The following STARD13 variants were observed in gnomAD, a reference collection of about 807,000 sequenced individuals.
STARD13 encodes stAR-related lipid transfer protein 13.
A neutral mutation model predicts 106.4 loss-of-function variants in STARD13; 62 were observed. That is an observed-to-expected ratio of 0.58 (90% confidence interval 0.48 to 0.72). STARD13 has a LOEUF of 0.72. Ranked by LOEUF, STARD13 falls within the 30% of genes least tolerant of loss-of-function variation. STARD13 has a pLI of 0.00. For missense variants in STARD13, 1,387 were observed against 1,424.0 expected, an observed-to-expected ratio of 0.97 and a Z score of 0.42; for synonymous variants, 565 against 553.0, an observed-to-expected ratio of 1.02 and a Z score of -0.31.
chr13:33,216,033 G>C (rs551076906), intron 1 of STARD13, among the ~76,000 whole-genome samples: 2 of 152,182 alleles, frequency 1.3e-5, no homozygotes, highest in Admixed American at 1.3e-4. Flanking sequence ...ACTCTTGCAA[G>C]AATGGCCATA....
At chr13:33,659,065 A>C in the STARD13 span, among the ~76,000 whole-genome samples, 1 of 152,148 alleles carries the variant, frequency 6.6e-6, no homozygotes, top group Non-Finnish European at 1.5e-5. Flanking sequence ...GTTCATCTGC[A>C]TCCTTTTGTA....
chr13:33,499,725 TTCTCCC>T, the STARD13 span, among the ~76,000 whole-genome samples: 1,523 of 144,158 alleles, frequency 0.011, 45 homozygotes, highest in African/African-American at 0.034. Flanking sequence ...CTCCTTCTCC[TTCTCCC>T]TCTCCCTCTC....
downstream of STARD13, among the ~76,000 whole-genome samples, chr13:33,346,677 T>TG (rs1205579751): frequency 6.6e-6 from 1 of 152,156 alleles, no homozygotes; most frequent in Non-Finnish European, 1.5e-5. Context: ...TCACCTAGGC[T>TG]GGGGTGCAGT....
chr13:33,505,821 C>G, the STARD13 span, among the ~76,000 whole-genome samples: 1 of 152,126 alleles, frequency 6.6e-6, no homozygotes, highest in Non-Finnish European at 1.5e-5. Context: ...TATTTCAGTT[C>G]TTACATGATA....
the STARD13 span, among the ~76,000 whole-genome samples, chr13:33,476,832 T>G: frequency 6.6e-6 from 1 of 152,378 alleles, no homozygotes; most frequent in African/African-American, 2.4e-5. Context: ...TTTTGACTTC[T>G]GGGTCTGAAA....
At chr13:33,441,404 T>C in the STARD13 span, among the ~76,000 whole-genome samples, 56 of 152,256 alleles carry the variant, frequency 3.7e-4, no homozygotes, top group Non-Finnish European at 6.6e-4. Flanking sequence ...TAAGAATAAA[T>C]ACAGTTTTGT....
intron 1 of STARD13, among the ~76,000 whole-genome samples, chr13:33,311,077 T>C (rs376153761): frequency 3.2e-4 from 49 of 151,384 alleles, no homozygotes; most frequent in African/African-American, 1.2e-3. Flanking sequence ...CAGGATCACT[T>C]AAGCCCAGAA....
chr13:33,144,081 G>T (rs1359167704), intron 3 of STARD13, among the ~76,000 whole-genome samples: 1 of 152,114 alleles, frequency 6.6e-6, no homozygotes, highest in African/African-American at 2.4e-5. Context: ...AATTCAGACT[G>T]AGGTCCATCC....
chr13:33,455,771 A>C, the STARD13 span, among the ~76,000 whole-genome samples: 219 of 152,038 alleles, frequency 1.4e-3, no homozygotes, highest in African/African-American at 3.5e-3. Context: ...TCTACTAAAA[A>C]AACAACAACA....
At chr13:33,107,206 G>T (rs1232154779) in intron 12 of STARD13, among the ~76,000 whole-genome samples, 2 of 152,208 alleles carry the variant, frequency 1.3e-5, no homozygotes, top group Non-Finnish European at 2.9e-5. Context: ...CTGCTTAGCT[G>T]CAGAGGCTCC....
chr13:33,486,479 T>C, the STARD13 span, among the ~76,000 whole-genome samples: 1 of 152,122 alleles, frequency 6.6e-6, no homozygotes, highest in Non-Finnish European at 1.5e-5. Context: ...AATAGAACAA[T>C]TAAAACAATA....
At chr13:33,216,641 A>C (rs1377220094) in intron 1 of STARD13, among the ~76,000 whole-genome samples, 1 of 152,204 alleles carries the variant, frequency 6.6e-6, no homozygotes, top group Non-Finnish European at 1.5e-5. Context: ...CAGGTGCACC[A>C]AAATCTCACA....
At chr13:33,270,357 T>C (rs1211061956) in intron 1 of STARD13, among the ~76,000 whole-genome samples, 1 of 152,184 alleles carries the variant, frequency 6.6e-6, no homozygotes, top group Non-Finnish European at 1.5e-5. Context: ...TTGGTGCAAC[T>C]GAGGACAGCA....
At chr13:33,358,966 G>C in the STARD13 span, among the ~76,000 whole-genome samples, 1 of 152,212 alleles carries the variant, frequency 6.6e-6, no homozygotes, top group South Asian at 2.1e-4. Flanking sequence ...TGATGGGGAC[G>C]TGGAGAACCT....
At chr13:33,233,945 C>A (rs543754658) in intron 1 of STARD13, among the ~76,000 whole-genome samples, 42 of 152,254 alleles carry the variant, frequency 2.8e-4, no homozygotes, top group Non-Finnish European at 4.7e-4. Flanking sequence ...CATGGCAGAC[C>A]GAATAGGTGG....
At chr13:33,378,116 G>T in the STARD13 span, among the ~76,000 whole-genome samples, 6 of 152,116 alleles carry the variant, frequency 3.9e-5, no homozygotes, top group African/African-American at 1.4e-4. Flanking sequence ...TATCATACTT[G>T]TAATTCATGC....
chr13:33,554,722 T>C, the STARD13 span, among the ~76,000 whole-genome samples: 1 of 152,176 alleles, frequency 6.6e-6, no homozygotes, highest in African/African-American at 2.4e-5. Context: ...GTCTTACCCA[T>C]TTCAGAGGTT....
chr13:33,551,568 CCTT>C, the STARD13 span, among the ~76,000 whole-genome samples: 8 of 44,794 alleles, frequency 1.8e-4, 3 homozygotes, highest in Admixed American at 5.2e-4. Flanking sequence ...TTTGCTTTTC[CCTT>C]TTTTTTTTTT....
At position 33,129,455 on chromosome 13, in the gene STARD13, T is replaced by A; in HGVS notation, c.1222A>T (p.Lys408Ter). 6.2e-7 allele frequency: 1 copy of A among 1,614,204 alleles called. No individual in the cohort carries two copies. Among genetic ancestry groups the A allele is most frequent in the Non-Finnish European group, 8.5e-7 (1 of 1,180,042 alleles). The change falls in exon 5 of 14, where the codon AAG (lysine) becomes TAG (stop). Residue 408 changes from lysine (K) to a stop codon, truncating the protein, a stop_gained. Transcript: ENST00000336934. LOFTEE classifies it high-confidence loss of function. ...GAGAGGCTTTCAATAGAAAGTGCCT[T>A]GGGGAATGTTCCTGGTTTGTGATCC... is the stretch of plus-strand genomic sequence containing the variant. ...PKDHKPGTFPKALSIESLSPT... is the reference protein window; with the variant it reads ...PKDHKPGTFP
Sources: gnomAD v4.1 joint callset for allele counts (sites outside exome capture counted in the v4.1 genomes callset) on GRCh38, gnomAD v4.1.1 for gene constraint, MANE v1.5 for transcripts, NCBI Gene and HGNC (gene_info 2026-07-23, HGNC 2026-07-21) for gene names.